ITGAV: variants seen among roughly 807,000 people sequenced by gnomAD.
The protein encoded by ITGAV is integrin alpha-V.
ITGAV carries 76 observed loss-of-function variants against 143.8 expected under a neutral mutation model. That is an observed-to-expected ratio of 0.53 (90% CI 0.44 to 0.64). ITGAV has a LOEUF of 0.64. Ranked by LOEUF, ITGAV falls within the 30% of genes least tolerant of loss-of-function variation. ITGAV has a pLI of 0.00. For missense variants in ITGAV, 1,193 were observed against 1,274.7 expected (o/e 0.94, Z 0.98); for synonymous variants, 453 against 446.7 (o/e 1.01, Z -0.18).
intron 7 of ITGAV, 71 bp from the exon 8 acceptor site, chr2:186,636,994 T>C: frequency 8.1e-7 from 1 of 1,240,864 alleles, no homozygotes; most frequent in Non-Finnish European, 1.2e-6. Flanking sequence ...TTTCAAGGAA[T>C]GCTTACTCAG....
intron 8 of ITGAV, 75 bp from the exon 9 acceptor site, chr2:186,638,202 G>T: frequency 7.6e-7 from 1 of 1,317,876 alleles, no homozygotes. Context: ...AAAGCTTGCT[G>T]ACATAGTCAC....
intron 20 of ITGAV, 31 bp from the exon 21 acceptor site, chr2:186,665,095 C>A: frequency 9.8e-7 from 1 of 1,020,650 alleles, no homozygotes; most frequent in Admixed American, 2.3e-5. Flanking sequence ...CTTTCATATC[C>A]ATTTTTTTTT....
Position 186,590,529 on chromosome 2 carries a change from T to C in ITGAV, c.185+6T>C, listed in dbSNP as rs1182395281. The C allele has an allele frequency of 1.2e-6, 2 of 1,609,868 alleles. No homozygotes were observed. The highest frequency in any genetic ancestry group is 2.2e-5 in the South Asian group (2 of 90,686). On this transcript the variant is annotated splice_donor_region_variant and intron_variant, in intron 1 of 29. Coordinates refer to ENST00000261023, the MANE Select transcript of ITGAV (RefSeq NM_002210.5). The stretch of plus-strand genomic sequence containing the variant: ...TTCGTGCCCAGCGCGTCTTCGTAAG[T>C]GGCCGCACTTGGAACTGGAGCCGGC...
intron 8 of ITGAV, among the ~76,000 whole-genome samples, chr2:186,637,445 C>CACT: frequency 6.8e-6 from 1 of 146,714 alleles, no homozygotes; most frequent in East Asian, 2.0e-4. Context: ...TGCGCCACTG[C>CACT]ACTCCCGCCC....
intron 2 of ITGAV, among the ~76,000 whole-genome samples, chr2:186,603,775 T>G (rs1391985421): frequency 6.6e-6 from 1 of 152,196 alleles, no homozygotes; most frequent in Non-Finnish European, 1.5e-5. Flanking sequence ...GAAAATAACA[T>G]TTGCACATGG....
chr2:186,600,242 G>C (rs1686861267), intron 1 of ITGAV: 11 of 1,145,196 alleles, frequency 9.6e-6, no homozygotes, highest in Non-Finnish European at 1.4e-5. Context: ...TTCTTGCCAG[G>C]GTCTTTCTAC....
intron 2 of ITGAV, among the ~76,000 whole-genome samples, chr2:186,602,417 G>C (rs926074760): frequency 1.3e-5 from 2 of 152,150 alleles, no homozygotes; most frequent in African/African-American, 4.8e-5. Flanking sequence ...AGAAATTTGG[G>C]GTAAACCTGT....
rs199607564 is a variant in ITGAV at position 186,590,112 on chromosome 2, G to C, written c.-227G>C. 1 of 416,720 alleles carries C rather than the reference G, an allele frequency of 2.4e-6. No homozygotes were observed. The highest frequency in any genetic ancestry group is 4.2e-6 in the Non-Finnish European group (1 of 240,454). 25.8% of individuals were successfully genotyped at this position (416,720 alleles called of 1,614,324 possible). ...CGGAGCCGGAGGGAAGCAAAGGACCGTCTGCGCTGCTGTCCCCGCCCCGCG... is the reference window on the plus strand; with the variant it reads ...CGGAGCCGGAGGGAAGCAAAGGACCCTCTGCGCTGCTGTCCCCGCCCCGCG... On this transcript the variant is annotated 5_prime_UTR_variant, in exon 1 of 30. Coordinates refer to ENST00000261023, the MANE Select transcript of ITGAV (RefSeq NM_002210.5).
At chr2:186,641,040 T>A in intron 11 of ITGAV, 73 bp downstream of exon 11, 1 of 1,158,510 alleles carries the variant, frequency 8.6e-7, no homozygotes, top group Non-Finnish European at 1.2e-6. Flanking sequence ...AACTAAACAT[T>A]TTTTTCTTCT....
chr2:186,652,460 AG>A (rs1344788239), intron 15 of ITGAV, among the ~76,000 whole-genome samples: 1 of 151,644 alleles, frequency 6.6e-6, no homozygotes, highest in Admixed American at 6.6e-5. Context: ...CTAAAGTGCT[AG>A]GATTTACAGG....
At chr2:186,624,597 G>A (rs1053690294) in intron 3 of ITGAV, among the ~76,000 whole-genome samples, 15 of 152,136 alleles carry the variant, frequency 9.9e-5, no homozygotes, top group African/African-American at 2.4e-4. Context: ...GCTTATGTTA[G>A]CACTTTGCTT....
chr2:186,622,327 A>T lies in ITGAV; in HGVS notation c.317-12A>T. ...TATTTTGTGTCTTACCACTCACAAT[A>T]TTCTTTTTTAGGCAATAGAGATTAT... On this transcript the variant is annotated splice_polypyrimidine_tract_variant and intron_variant, in intron 2 of 29. Coordinates refer to ENST00000261023, the MANE Select transcript of ITGAV (RefSeq NM_002210.5). 6.3e-7 allele frequency: 1 copy of T among 1,583,096 alleles called. No homozygotes were observed. Among genetic ancestry groups the T allele is most frequent in the East Asian group, 2.2e-5 (1 of 44,686 alleles).
intron 2 of ITGAV, among the ~76,000 whole-genome samples, chr2:186,608,096 CAA>C (rs1687118659): frequency 6.6e-6 from 1 of 152,110 alleles, no homozygotes; most frequent in Admixed American, 6.5e-5. Context: ...CCTGGCGGGG[CAA>C]AGAGAAGTAC....
intron 17 of ITGAV, among the ~76,000 whole-genome samples, chr2:186,658,059 C>A (rs536492585): frequency 2.0e-5 from 3 of 151,986 alleles, no homozygotes; most frequent in African/African-American, 7.2e-5. Flanking sequence ...TCTAGTCTTA[C>A]AATAGATGTA....
chr2:186,651,297 C>G (rs12994722), intron 14 of ITGAV, among the ~76,000 whole-genome samples: 12 of 152,176 alleles, frequency 7.9e-5, no homozygotes, highest in Non-Finnish European at 1.5e-4. Context: ...GGCACATTGA[C>G]TTGAGCCAGC....
chr2:186,638,157 T>C (rs1175372452), intron 8 of ITGAV, 120 bp from the exon 9 acceptor site: 1 of 801,508 alleles, frequency 1.2e-6, no homozygotes, highest in Non-Finnish European at 2.0e-6. Flanking sequence ...TTTTTCTAAA[T>C]TGATTGTTTG....
chr2:186,639,174 G>C (rs1165706204), intron 10 of ITGAV, among the ~76,000 whole-genome samples: 1 of 152,142 alleles, frequency 6.6e-6, no homozygotes, highest in Non-Finnish European at 1.5e-5. Flanking sequence ...TTCTCTGCGA[G>C]TACAGGCATT....
chr2:186,646,581 C>G (rs967118820), intron 12 of ITGAV, 105 bp from the exon 13 acceptor site: 30 of 699,312 alleles, frequency 4.3e-5, no homozygotes, highest in Admixed American at 8.6e-5. Context: ...TCTCTTCATC[C>G]TTGCCCTCTT....
intron 14 of ITGAV, among the ~76,000 whole-genome samples, chr2:186,650,144 C>A (rs1383081095): frequency 6.6e-6 from 1 of 152,150 alleles, no homozygotes; most frequent in Non-Finnish European, 1.5e-5. Flanking sequence ...GGATATTCAT[C>A]ATCTCAAACA....
Sources: allele counts gnomAD v4.1 joint callset (sites outside exome capture counted in the v4.1 genomes callset), GRCh38; gene constraint gnomAD v4.1.1; transcripts MANE v1.5; gene names NCBI Gene and HGNC (gene_info 2026-07-23, HGNC 2026-07-21).